SLC12A3: variants seen among roughly 807,000 people sequenced by gnomAD.
SLC12A3 encodes Na-Cl cotransporter.
Under a neutral mutation model 121.0 loss-of-function variants are expected in SLC12A3, and 104 were observed. The observed-to-expected ratio is 0.86, with a 90% CI of 0.73 to 1.01. The LOEUF (loss-of-function observed/expected upper bound fraction) is 1.01, where lower values mean the gene tolerates loss of function less well. Among genes scored for constraint, SLC12A3 ranks in the 50% least tolerant of loss-of-function variants. The pLI, the probability that SLC12A3 is intolerant of heterozygous loss-of-function variation, is 0.00. For synonymous variants in SLC12A3, 536 were observed against 533.4 expected, an observed-to-expected ratio of 1.00 and a Z score of -0.07; for missense variants, 1,328 against 1,356.3, an observed-to-expected ratio of 0.98 and a Z score of 0.33.
chr16:56,879,284 G>A, intron 10 of SLC12A3, 57 bp downstream of exon 10: 5 of 1,606,924 alleles, frequency 3.1e-6, no homozygotes, highest in South Asian at 1.1e-5. Context: ...GAGGCTGCAG[G>A]GCCCCTTGCA....
rs1235864322 is a variant in SLC12A3 at position 56,889,803 on chromosome 16, C to T, written c.2286-471C>T. 2.0e-5 allele frequency among the ~76,000 whole-genome samples: 3 copies of T among 152,170 alleles called. No homozygotes were observed. In the East Asian group the frequency reaches 5.8e-4, roughly 29 times the overall value. On this transcript the variant is annotated intron_variant, in intron 18 of 25. Transcript: ENST00000563236. ...AGACATCTTTATAGACAGCCTATTG[C>T]AGGAGTAAAGCTCCTCTCATGAGCA...
At position 56,898,419 on chromosome 16, in the gene SLC12A3, C is replaced by T. The variant is rs144355826; in HGVS notation, c.2634-1111C>T. On this transcript the variant is annotated intron_variant, in intron 22 of 25. Coordinates refer to ENST00000563236, the MANE Select transcript of SLC12A3 (RefSeq NM_001126108.2). ...GACTACAGGCACCTGCTACCACGGC[C>T]GGCTAATTTTTTGTATTTTTAGTGG... Among the ~76,000 whole-genome samples the T allele has an allele frequency of 3.0e-3, 451 of 152,172 alleles. 3 individuals carry two copies. Among genetic ancestry groups the T allele is most frequent in the African/African-American group, 0.01 (426 of 41,522 alleles).
rs1422395813 is a variant in SLC12A3 at position 56,913,231 on chromosome 16, ATC to A, written c.2925-27_2925-26del. On this transcript the variant is annotated intron_variant, in intron 25 of 25. Coordinates refer to ENST00000563236, the MANE Select transcript of SLC12A3 (RefSeq NM_001126108.2). ...GGGCGTGTGGAGCGGCCCCGTGGTA[ATC>A]TCTCTTCTACCACTTTTTCATGCCT... 3 of 1,613,764 alleles carry A rather than the reference ATC, an allele frequency of 1.9e-6. No individual in the cohort carries two copies. In the African/African-American group the frequency reaches 4.0e-5, roughly 22 times the overall value.
chr16:56,886,674 G>T (rs2055316365), intron 16 of SLC12A3, among the ~76,000 whole-genome samples, 199 bp downstream of exon 16: 1 of 152,122 alleles, frequency 6.6e-6, no homozygotes, highest in African/African-American at 2.4e-5. Flanking sequence ...GGAGCAAGGG[G>T]CACCCAGCCA....
At chr16:56,883,522 C>T (rs1023095665) in intron 13 of SLC12A3, among the ~76,000 whole-genome samples, 20 of 152,014 alleles carry the variant, frequency 1.3e-4, no homozygotes, top group Admixed American at 1.0e-3. Flanking sequence ...CCTCATGATC[C>T]GCCCGCCTCA....
At chr16:56,866,609 C>T (rs1596884980) in intron 1 of SLC12A3, among the ~76,000 whole-genome samples, 1 of 152,250 alleles carries the variant, frequency 6.6e-6, no homozygotes, top group South Asian at 2.1e-4. Flanking sequence ...CCACTGCTCT[C>T]CTAGGGGGAG....
intron 8 of SLC12A3, among the ~76,000 whole-genome samples, chr16:56,874,942 C>CT (rs1285663678): frequency 2.0e-5 from 3 of 152,220 alleles, no homozygotes; most frequent in Non-Finnish European, 4.4e-5. Flanking sequence ...GGCTCCTCTC[C>CT]TTTTTCTGGG....
chr16:56,902,548 T>C, intron 24 of SLC12A3, 40 bp downstream of exon 24: 1 of 1,604,388 alleles, frequency 6.2e-7, no homozygotes, highest in South Asian at 1.1e-5. Context: ...GACACATCAC[T>C]GGGTCAGGGA....
intron 7 of SLC12A3, 44 bp downstream of exon 7, chr16:56,872,506 A>G: frequency 6.3e-7 from 1 of 1,582,540 alleles, no homozygotes; most frequent in Non-Finnish European, 8.7e-7. Context: ...GGGGACAGGG[A>G]CTCTCTACCC....
intron 12 of SLC12A3, among the ~76,000 whole-genome samples, chr16:56,880,535 C>G (rs1399384878): frequency 1.3e-5 from 2 of 152,168 alleles, no homozygotes; most frequent in South Asian, 2.1e-4. Flanking sequence ...CCTGTTCCCC[C>G]GGTCTGCGTT....
rs116625467 is a variant in SLC12A3, at chr16:56,894,301, G to T, written c.2522-230G>T. Among the ~76,000 whole-genome samples the T allele has an allele frequency of 6.7e-3, 1,022 of 152,206 alleles. 13 individuals are homozygous for T. Among genetic ancestry groups the T allele is most frequent in the African/African-American group, 0.023 (959 of 41,524 alleles). On this transcript the variant is annotated intron_variant, in intron 21 of 25. Coordinates refer to ENST00000563236, the MANE Select transcript of SLC12A3 (RefSeq NM_001126108.2). ...ATTATAGGCATGAGCCATGGCGCCC[G>T]GCCGCCAGCTTGTTTATTTAAATAT...
At chr16:56,913,228 G>A in intron 25 of SLC12A3, 36 bp from the exon 26 acceptor site, 1 of 1,613,974 alleles carries the variant, frequency 6.2e-7, no homozygotes, top group Admixed American at 1.7e-5. Flanking sequence ...CGGCCCCGTG[G>A]TAATCTCTCT....
rs1161344522 is a variant in SLC12A3 at position 56,914,462 on chromosome 16, G to C, written c.*1057G>C. ...CTGTTCTGTTTATTTTTCACTGTTGGTTGCAATCCAATAAAATGACTTTGG... is the reference window on the plus strand; with the variant it reads ...CTGTTCTGTTTATTTTTCACTGTTGCTTGCAATCCAATAAAATGACTTTGG... On this transcript the variant is annotated 3_prime_UTR_variant, in exon 26 of 26. Coordinates refer to ENST00000563236, the MANE Select transcript of SLC12A3 (RefSeq NM_001126108.2). 2 of 152,198 alleles carry C rather than the reference G, an allele frequency of 1.3e-5. No homozygotes were observed. The highest frequency in any genetic ancestry group is 2.9e-5 in the Non-Finnish European group (2 of 68,044). The allele number at this position is 152,198 out of a possible 1,614,324, so 9.4% of individuals were successfully genotyped here. A position where few individuals can be genotyped will look rare whatever the true frequency, so the allele number is the denominator to read the frequency against.
intron 23 of SLC12A3, among the ~76,000 whole-genome samples, chr16:56,901,622 G>A (rs2055540338): frequency 6.6e-6 from 1 of 152,210 alleles, no homozygotes. Flanking sequence ...TTACAGGCGT[G>A]AGCCACTGTG....
In SLC12A3 at chr16:56,867,136, C is replaced by G; in HGVS notation, c.349C>G (p.Leu117Val). 1 of 1,614,076 alleles carries G rather than the reference C, an allele frequency of 6.2e-7. No individual in the cohort carries two copies. The highest frequency in any genetic ancestry group is 8.5e-7 in the Non-Finnish European group (1 of 1,180,018). Reference protein sequence around the residue: ...SRPSHEMTDGLVEGEAGTSSE... With the variant: ...SRPSHEMTDGVVEGEAGTSSE... ...GCCCAGCCACGAGATGACTGATGGG[C>G]TGGTGGAGGGCGAGGCAGGCACCAG... is the stretch of plus-strand genomic sequence containing the variant. The change falls in exon 2 of 26, where the codon CTG becomes GTG. Residue 117 changes from leucine to valine, a missense_variant. Transcript: ENST00000563236.
At position 56,867,077 on chromosome 16, in the gene SLC12A3, G is replaced by T; in HGVS notation, c.290G>T (p.Gly97Val). The T allele has an allele frequency of 6.2e-7, 1 of 1,612,938 alleles. No homozygotes were observed. ...TGGTCTCTGGGCTGCCAGCAGGAAGGCAGACACCTGCATGCCCTGGCCTTT... is the reference window on the plus strand; with the variant it reads ...TGGTCTCTGGGCTGCCAGCAGGAAGTCAGACACCTGCATGCCCTGGCCTTT... ...ADLHSFLKQE[G>V]RHLHALAFDS... The change falls in exon 2 of 26, where the codon GGC becomes GTC. Residue 97 changes from glycine to valine, a missense_variant. Physicochemically the swap from Gly to Val is moderately radical, Grantham distance 109. Transcript: ENST00000563236.
Position 56,908,247 on chromosome 16 carries a change from G to A in SLC12A3, c.2924+3785G>A, listed in dbSNP as rs538368095. ...GAGATCTCAGCTCACTGCAACCTCC[G>A]CCTCCTGGGTTCAAGTGATTCTCCT... On this transcript the variant is annotated intron_variant, in intron 25 of 25. Transcript: ENST00000563236. Among the ~76,000 whole-genome samples the A allele has an allele frequency of 5.1e-4, 70 of 136,920 alleles. 3 individuals carry two copies. The South Asian group carries it at 9.8e-3, about 19-fold the overall frequency. 89.8% of individuals were successfully genotyped at this position (136,920 alleles called of 152,430 possible).
chr16:56,904,825 C>T, intron 25 of SLC12A3: 6 of 352,246 alleles, frequency 1.7e-5, no homozygotes, highest in South Asian at 1.3e-4. Flanking sequence ...ATTACTTGGC[C>T]CTCCTTGGCT....
chr16:56,891,925 AG>A (rs2055393528), intron 19 of SLC12A3, among the ~76,000 whole-genome samples, 157 bp from the exon 20 acceptor site: 1 of 152,162 alleles, frequency 6.6e-6, no homozygotes, highest in African/African-American at 2.4e-5. Context: ...GGCAGGAGGC[AG>A]GTCAGAGGGA....
Sources: allele counts gnomAD v4.1 joint callset (sites outside exome capture counted in the v4.1 genomes callset), GRCh38; gene constraint gnomAD v4.1.1; transcripts MANE v1.5; gene names NCBI Gene and HGNC (gene_info 2026-07-23, HGNC 2026-07-21).